The following TPP2 variants were observed in gnomAD, a reference collection of about 807,000 sequenced individuals.
TPP2 encodes the protein tripeptidyl-peptidase 2.
A neutral mutation model predicts 155.9 loss-of-function variants in TPP2; 34 were observed. That is an observed-to-expected ratio of 0.22 (90% confidence interval 0.17 to 0.29). The LOEUF (loss-of-function observed/expected upper bound fraction) is 0.29. TPP2 is among the 10% of genes least tolerant of loss of function. The pLI is 1.00. For synonymous variants in TPP2, 510 were observed against 529.4 expected, an observed-to-expected ratio of 0.96 and a Z score of 0.50; for missense variants, 1,028 against 1,522.3, an observed-to-expected ratio of 0.68 and a Z score of 5.40.
At chr13:102,673,551 T>TTGTC (rs544615321) in intron 27 of TPP2, among the ~76,000 whole-genome samples, 60 of 152,324 alleles carry the variant, frequency 3.9e-4, no homozygotes, top group African/African-American at 1.4e-3. Flanking sequence ...GTGCCGGGCA[T>TTGTC]TGTCCTAGGC....
At chr13:102,616,583 C>A in intron 4 of TPP2, 83 bp downstream of exon 4, 1 of 1,145,492 alleles carries the variant, frequency 8.7e-7, no homozygotes, top group East Asian at 2.8e-5. Context: ...GACTGTTTTT[C>A]CACAAGTTTT....
chr13:102,668,237 G>T (rs1351727449), intron 27 of TPP2, among the ~76,000 whole-genome samples: 3 of 152,148 alleles, frequency 2.0e-5, no homozygotes, highest in East Asian at 3.9e-4. Context: ...GAATTTGGCT[G>T]CCTTCAGCCA....
chr13:102,614,602 T>A (rs1204988728), intron 3 of TPP2, among the ~76,000 whole-genome samples: 1 of 152,188 alleles, frequency 6.6e-6, no homozygotes, highest in East Asian at 1.9e-4. Context: ...GTCCCTCCCC[T>A]GTTTAACTAG....
intron 5 of TPP2, among the ~76,000 whole-genome samples, chr13:102,619,436 G>A (rs1201060041): frequency 5.4e-5 from 7 of 129,492 alleles, no homozygotes; most frequent in Admixed American, 1.5e-4. Context: ...TAGGATTTCT[G>A]CAAAAAAAAA....
chr13:102,668,959 G>A (rs1188097785), intron 27 of TPP2, among the ~76,000 whole-genome samples: 6 of 152,142 alleles, frequency 3.9e-5, no homozygotes, highest in Admixed American at 6.5e-5. Flanking sequence ...TTCTGGTACC[G>A]GGTTGGGTCC....
intron 25 of TPP2, among the ~76,000 whole-genome samples, chr13:102,659,806 A>G (rs1421942690): frequency 6.6e-6 from 1 of 152,268 alleles, no homozygotes; most frequent in African/African-American, 2.4e-5. Flanking sequence ...TTATGGAATT[A>G]TAAAAGACAG....
chr13:102,644,623 T>C lies in TPP2; in HGVS notation c.2242T>C (p.Tyr748His). Residue 748 changes from tyrosine to histidine, a missense_variant, in exon 18 of 30, where the codon TAT becomes CAT. Tyr to His is a moderately conservative substitution (Grantham distance 83, BLOSUM62 2). Coordinates refer to ENST00000376052, the MANE Select transcript of TPP2 (RefSeq NM_001330588.2). ...WASLSDVNID[Y>H]TISFHGIVCT... is the part of the protein sequence containing the mutation. ...AAGTCTCAGTGATGTCAACATTGAT[T>C]ATACCATTTCTTTCCATGGGATAGT... The C allele has an allele frequency of 6.2e-7, 1 of 1,613,306 alleles. No homozygotes were observed.
chr13:102,622,825 T>C, intron 5 of TPP2, 52 bp from the exon 6 acceptor site: 1 of 1,553,584 alleles, frequency 6.4e-7, no homozygotes. Context: ...ACATGATTTT[T>C]AGAAAGGTAA....
chr13:102,629,861 TATCCTGGGATAAATA>T (rs1172412921), intron 9 of TPP2, among the ~76,000 whole-genome samples: 1 of 152,216 alleles, frequency 6.6e-6, no homozygotes, highest in Non-Finnish European at 1.5e-5. Flanking sequence ...TAGTCTAAAA[TATCCTGGGATAAATA>T]ATCCTGGGAG....
chr13:102,678,282 C>T lies in TPP2; in HGVS notation c.3755C>T (p.Pro1252Leu). The T allele has an allele frequency of 1.2e-6, 2 of 1,613,640 alleles. No individual in the cohort carries two copies. The highest frequency in any genetic ancestry group is 1.7e-6 in the Non-Finnish European group (2 of 1,179,734). ...HCASFTENWL[P>L]IMYPPDYCVF is the part of the protein sequence containing the mutation. ...GCATCTTTTACTGAAAACTGGCTCCCCATCATGTATCCTCCCGATTATTGC... is the reference window on the plus strand; with the variant it reads ...GCATCTTTTACTGAAAACTGGCTCCTCATCATGTATCCTCCCGATTATTGC... Residue 1252 changes from proline (P) to leucine (L), a missense_variant, in exon 30 of 30, where the codon CCC becomes CTC. Physicochemically the swap from Pro to Leu is moderately conservative, Grantham distance 98. Around this residue, in one of 7 missense-constraint regions of TPP2, gnomAD observed 41 missense variants for 78.3 expected, o/e 0.52. Transcript: ENST00000376052.
intron 23 of TPP2, 123 bp from the exon 24 acceptor site, chr13:102,651,236 C>A: frequency 9.8e-7 from 1 of 1,018,388 alleles, no homozygotes; most frequent in Non-Finnish European, 1.4e-6. Context: ...AATCACAGAC[C>A]TGAGCCTTCT....
At chr13:102,635,515 G>A (rs1000391612) in intron 11 of TPP2, 72 bp from the exon 12 acceptor site, 12 of 1,061,360 alleles carry the variant, frequency 1.1e-5, no homozygotes, top group Middle Eastern at 4.0e-4. Context: ...ACAGGTGATC[G>A]ATCATACTGG....
At chr13:102,617,773 T>TAAA (rs1395837580) in intron 4 of TPP2, among the ~76,000 whole-genome samples, 2 of 152,210 alleles carry the variant, frequency 1.3e-5, no homozygotes, top group Non-Finnish European at 2.9e-5. Flanking sequence ...TGCCAAATAG[T>TAAA]AAATATTTTT....
chr13:102,627,281 A>G (rs1881692006), intron 7 of TPP2, 115 bp downstream of exon 7: 5 of 971,258 alleles, frequency 5.1e-6, no homozygotes, highest in Non-Finnish European at 6.8e-6. Context: ...TATAGTGTAC[A>G]GGACTTTTAA....
At chr13:102,656,893 C>T in intron 24 of TPP2, 163 bp from the exon 25 acceptor site, 1 of 547,028 alleles carries the variant, frequency 1.8e-6, no homozygotes, top group Admixed American at 4.3e-5. Flanking sequence ...ATTACTGTGA[C>T]CAGAGATTGG....
intron 19 of TPP2, among the ~76,000 whole-genome samples, chr13:102,645,346 T>C (rs1883033251): frequency 6.6e-6 from 1 of 152,242 alleles, no homozygotes; most frequent in Non-Finnish European, 1.5e-5. Flanking sequence ...TTTTAGAAAC[T>C]GCAATACCAT....
intron 26 of TPP2, among the ~76,000 whole-genome samples, 183 bp downstream of exon 26, chr13:102,663,927 T>C (rs911369071): frequency 3.3e-5 from 5 of 152,368 alleles, no homozygotes; most frequent in Middle Eastern, 3.4e-3. Flanking sequence ...ACTGTGAGTT[T>C]AGTTTAGGAT....
rs61965631 is a variant in TPP2, at chr13:102,619,691, G to A, written c.620+845G>A. ...AGGTGTATGCAATGTTAAGTTGAATGAGAAATTTCTGCTCAATTTGGGGAT... is the reference window on the plus strand; with the variant it reads ...AGGTGTATGCAATGTTAAGTTGAATAAGAAATTTCTGCTCAATTTGGGGAT... On this transcript the variant is annotated intron_variant, in intron 5 of 29. Coordinates refer to ENST00000376052, the MANE Select transcript of TPP2 (RefSeq NM_001330588.2). Among the ~76,000 whole-genome samples, 1,191 of 149,888 alleles carry A rather than the reference G, an allele frequency of 7.9e-3. 8 individuals carry two copies. The highest frequency in any genetic ancestry group is 0.011 in the Non-Finnish European group (760 of 67,636).
intron 25 of TPP2, among the ~76,000 whole-genome samples, chr13:102,662,359 A>C (rs1481455006): frequency 6.6e-6 from 1 of 152,218 alleles, no homozygotes; most frequent in Non-Finnish European, 1.5e-5. Flanking sequence ...ATCTGTTACT[A>C]TGCTAGAAAG....
Sources: allele counts gnomAD v4.1 joint callset (sites outside exome capture counted in the v4.1 genomes callset), GRCh38; gene constraint gnomAD v4.1.1; regional missense constraint gnomAD v4.1.1; transcripts MANE v1.5; gene names NCBI Gene and HGNC (gene_info 2026-07-23, HGNC 2026-07-21).